PRICKLE3: variants seen among roughly 807,000 people sequenced by gnomAD.
PRICKLE3 encodes LIM domain only protein 6.
Under a neutral mutation model 33.8 loss-of-function variants are expected in PRICKLE3, and 17 were observed. The observed-to-expected ratio is 0.50, with a 90% CI of 0.34 to 0.75. The LOEUF (loss-of-function observed/expected upper bound fraction) is 0.75. PRICKLE3 is among the 30% of genes least tolerant of loss of function. The pLI is 0.01. For missense variants in PRICKLE3, 573 were observed against 576.7 expected, an observed-to-expected ratio of 0.99 and a Z score of 0.07; for synonymous variants, 211 against 219.6, an observed-to-expected ratio of 0.96 and a Z score of 0.34.
intron 3 of PRICKLE3, among the ~76,000 whole-genome samples, chrX:49,181,589 G>A (rs184678666): frequency 2.0e-5 from 1 of 49,482 alleles, no homozygotes; most frequent in South Asian, 1.8e-3. Flanking sequence ...ATATATACGC[G>A]TGTATCTATA....
Position 49,179,802 on chromosome X carries a change from T to C in PRICKLE3, c.317A>G (p.Tyr106Cys), listed in dbSNP as rs1557100743. The change falls in exon 4 of 9, where the codon TAT becomes TGT. Residue 106 changes from tyrosine (Y) to cysteine (C), a missense_variant. Tyr to Cys is a radical substitution (Grantham distance 194, BLOSUM62 -2). Coordinates refer to ENST00000599218, the MANE Select transcript of PRICKLE3 (RefSeq NM_006150.5). The stretch of plus-strand genomic sequence containing the variant: ...CTCTGGGAGGCAGCTGAAAAATTGA[T>C]ATACCTGGGAGGACATAGGAGTGGG... Reference protein sequence around the residue: ...VPPGLKPEQVYQFFSCLPEDK... With the variant: ...VPPGLKPEQVCQFFSCLPEDK... The C allele has an allele frequency of 9.1e-7, 1 of 1,096,935 alleles. No homozygotes were observed. The highest frequency in any genetic ancestry group is 3.2e-5 in the East Asian group (1 of 31,463). The allele number at this position is 1,096,935 out of a possible 1,213,427, so 90.4% of individuals were successfully genotyped here.
Position 49,175,671 on chromosome X carries a change from C to A in PRICKLE3, c.*2G>T, listed in dbSNP as rs782518639. 2 of 1,206,448 alleles carry A rather than the reference C, an allele frequency of 1.7e-6. No individual in the cohort carries two copies. The highest frequency in any genetic ancestry group is 2.3e-4 in the Middle Eastern group (1 of 4,264). On this transcript the variant is annotated 3_prime_UTR_variant, in exon 9 of 9. Coordinates refer to ENST00000599218, the MANE Select transcript of PRICKLE3 (RefSeq NM_006150.5). Reference sequence around the variant, plus strand: ...TGGAGCCCCCTCCAGGACGGCCTGCCTTCAAGCCACGATGCAGTTCTTGTC... The same window carrying A: ...TGGAGCCCCCTCCAGGACGGCCTGCATTCAAGCCACGATGCAGTTCTTGTC...
intron 3 of PRICKLE3, among the ~76,000 whole-genome samples, chrX:49,183,325 C>G (rs1425658247): frequency 9.0e-6 from 1 of 110,829 alleles, no homozygotes; most frequent in Non-Finnish European, 1.9e-5. Context: ...CTTTGGGAGG[C>G]CGAGGCAGGA....
intron 3 of PRICKLE3, among the ~76,000 whole-genome samples, chrX:49,180,206 A>G (rs1557100815): frequency 1.8e-5 from 2 of 108,411 alleles, no homozygotes; most frequent in African/African-American, 6.7e-5. Flanking sequence ...CTAATTTTTT[A>G]TTTTTAGTAG....
rs782589698 is a variant in PRICKLE3, at chrX:49,176,061, C to T, written c.1460G>A (p.Arg487His). ...RDPLVSEGGP[R>H]RTLSAPPAQR... is the part of the protein sequence containing the mutation. The stretch of plus-strand genomic sequence containing the variant: ...GGCCGGGGGTGCACTCAGGGTCCGG[C>T]GCGGGCCTCCTTCAGACACCAGAGG... The change falls in exon 9 of 9, where the codon CGC (arginine) becomes CAC (histidine). Residue 487 changes from arginine (R) to histidine (H), a missense_variant. Transcript: ENST00000599218. The T allele has an allele frequency of 1.7e-5, 21 of 1,204,386 alleles. No individual in the cohort carries two copies. In the South Asian group the frequency reaches 3.2e-4, roughly 18 times the overall value.
In PRICKLE3 at chrX:49,177,045, C is replaced by T; in HGVS notation, c.1113G>A (p.Glu371=). The part of the protein sequence containing the change: ...FCSRACSLGS[E]PTAPGPSRRS... ...GGCGGCTCGGCCCTGGAGCTGTGGG[C>T]TCGGACCCAAGGCTGCAGGCTCGAG... The change falls in exon 8 of 9, where the codon GAG becomes GAA. Residue 371 remains glutamate (E), a synonymous_variant. Transcript: ENST00000599218. 8.3e-7 allele frequency: 1 copy of T among 1,208,951 alleles called. No homozygotes were observed. The highest frequency in any genetic ancestry group is 1.1e-6 in the Non-Finnish European group (1 of 894,074).
At chrX:49,185,896 CAAAAA>C (rs35472415) in intron 1 of PRICKLE3, among the ~76,000 whole-genome samples, 5 of 29,723 alleles carry the variant, frequency 1.7e-4, no homozygotes, top group African/African-American at 4.0e-4. Flanking sequence ...GATTCAGTCT[CAAAAA>C]AAAAAAAAAA....
At chrX:49,177,963 C>T (rs781831968) in intron 7 of PRICKLE3, 30 bp downstream of exon 7, 3 of 1,133,768 alleles carry the variant, frequency 2.6e-6, no homozygotes, top group African/African-American at 3.7e-5. Flanking sequence ...TCCATCCATC[C>T]CTCTGTCCAG....
chrX:49,178,651 C>T (rs782476620), intron 5 of PRICKLE3, among the ~76,000 whole-genome samples, 176 bp from the exon 6 acceptor site: 22 of 112,127 alleles, frequency 2.0e-4, no homozygotes, highest in African/African-American at 7.1e-4. Context: ...TGGGGTTGGG[C>T]GGTACCTTAG....
At chrX:49,184,077 G>A (rs1557101555) in intron 2 of PRICKLE3, among the ~76,000 whole-genome samples, 160 bp from the exon 3 acceptor site, 1 of 109,890 alleles carries the variant, frequency 9.1e-6, no homozygotes, top group African/African-American at 3.3e-5. Flanking sequence ...TGCAGGAGGT[G>A]GGCCTATGAG....
rs782111615 is a variant in PRICKLE3, at chrX:49,177,263, C to T, written c.956-61G>A. The T allele has an allele frequency of 1.5e-5, 16 of 1,032,493 alleles. No homozygotes were observed. In the South Asian group the frequency reaches 3.0e-4, roughly 19 times the overall value. 85.1% of individuals were successfully genotyped at this position (1,032,493 alleles called of 1,213,427 possible). ...AACCCCCAGGCGTAACCCCACCCCT[C>T]GTGAACGAGTCCCTTCTCAAGAAGA... On this transcript the variant is annotated intron_variant, in intron 7 of 8. Transcript: ENST00000599218.
intron 3 of PRICKLE3, among the ~76,000 whole-genome samples, chrX:49,183,061 T>A (rs5952517): frequency 9.0e-6 from 1 of 111,461 alleles, no homozygotes; most frequent in Non-Finnish European, 1.9e-5. Flanking sequence ...TGACCTCAAG[T>A]AATCCGCCCG....
At position 49,179,798 on chromosome X, in the gene PRICKLE3, T is replaced by G. The variant is rs201812536; in HGVS notation, c.321A>C (p.Gln107His). The G allele has an allele frequency of 2.7e-6, 3 of 1,102,205 alleles. No homozygotes were observed. Among genetic ancestry groups the G allele is most frequent in the Non-Finnish European group, 3.7e-6 (3 of 821,405 alleles). 90.8% of individuals were successfully genotyped at this position (1,102,205 alleles called of 1,213,427 possible). ...TGTCCTCTGGGAGGCAGCTGAAAAATTGATATACCTGGGAGGACATAGGAG... is the reference window on the plus strand; with the variant it reads ...TGTCCTCTGGGAGGCAGCTGAAAAAGTGATATACCTGGGAGGACATAGGAG... ...PPGLKPEQVY[Q>H]FFSCLPEDKV... Residue 107 changes from glutamine to histidine, a missense_variant, in exon 4 of 9, where the codon CAA (glutamine) becomes CAC (histidine). Physicochemically the swap from Gln to His is conservative, Grantham distance 24. Transcript: ENST00000599218.
chrX:49,177,343 G>A, intron 7 of PRICKLE3, 141 bp from the exon 8 acceptor site: 5 of 623,631 alleles, frequency 8.0e-6, no homozygotes, highest in Non-Finnish European at 1.2e-5. Flanking sequence ...CCTCCAGAAT[G>A]GGGCCCTTTT....
At position 49,175,701 on chromosome X, in the gene PRICKLE3, G is replaced by A. The variant is rs2065411227; in HGVS notation, c.1820C>T (p.Ala607Val). 1 of 1,209,725 alleles carries A rather than the reference G, an allele frequency of 8.3e-7. No homozygotes were observed. Among genetic ancestry groups the A allele is most frequent in the African/African-American group, 1.7e-5 (1 of 57,254 alleles). Residue 607 changes from alanine to valine, a missense_variant, in exon 9 of 9, where the codon GCC (alanine) becomes GTC (valine). Ala to Val is a moderately conservative substitution (Grantham distance 64). Transcript: ENST00000599218. ...RDSRAGMPRQ[A>V]RDKNCIVA The stretch of plus-strand genomic sequence containing the variant: ...AGCCACGATGCAGTTCTTGTCTCGG[G>A]CCTGACGAGGCATCCCTGCGCGAGA...
chrX:49,177,865 T>C (rs782669220), intron 7 of PRICKLE3, 128 bp downstream of exon 7: 104 of 759,338 alleles, frequency 1.4e-4, no homozygotes, highest in East Asian at 1.8e-4. Flanking sequence ...GTCTATAGTG[T>C]TGGGGCTGGA....
At position 49,184,521 on chromosome X, in the gene PRICKLE3, T is replaced by C; in HGVS notation, c.128+104A>G. On this transcript the variant is annotated intron_variant, in intron 2 of 8. Transcript: ENST00000599218. ...AGGCTCTTTTCCCAACTGAGATCCC[T>C]CTGTAGGCGGAGCTCAAGCGTAGGG... is the stretch of plus-strand genomic sequence containing the variant. 4.0e-6 allele frequency: 3 copies of C among 746,114 alleles called. No homozygotes were observed. The South Asian group carries it at 8.8e-5, about 22-fold the overall frequency. 61.5% of individuals were successfully genotyped at this position (746,114 alleles called of 1,213,427 possible). A position where few individuals can be genotyped will look rare whatever the true frequency, so the allele number is the denominator to read the frequency against.
At position 49,175,530 on chromosome X, in the gene PRICKLE3, A is replaced by G. The variant is rs781984164; in HGVS notation, c.*143T>C. Reference sequence around the variant, plus strand: ...GGGTAGACCAAGTCTCTAAAACAGAAACAAAAATAGAAACAAACTGATAAA... The same window carrying G: ...GGGTAGACCAAGTCTCTAAAACAGAGACAAAAATAGAAACAAACTGATAAA... On this transcript the variant is annotated 3_prime_UTR_variant, in exon 9 of 9. Transcript: ENST00000599218. 1 of 582,325 alleles carries G rather than the reference A, an allele frequency of 1.7e-6. No individual in the cohort carries two copies. Among genetic ancestry groups the G allele is most frequent in the Admixed American group, 4.0e-5 (1 of 25,192 alleles). The allele number at this position is 582,325 out of a possible 1,213,427, so 48.0% of individuals were successfully genotyped here. A position where few individuals can be genotyped will look rare whatever the true frequency, so the allele number is the denominator to read the frequency against.
chrX:49,178,184 A>G lies in PRICKLE3; in HGVS notation c.769-5T>C. The G allele has an allele frequency of 1.7e-6, 2 of 1,189,993 alleles. No individual in the cohort carries two copies. The highest frequency in any genetic ancestry group is 1.1e-6 in the Non-Finnish European group (1 of 881,615). On this transcript the variant is annotated splice_polypyrimidine_tract_variant and splice_region_variant and intron_variant, in intron 6 of 8. Transcript: ENST00000599218. Reference sequence around the variant, plus strand: ...GCACTCAGGGGAGAAGATGATCTGGAGGGCGCAGGCCATCTGTGGCTGTCA... The same window carrying G: ...GCACTCAGGGGAGAAGATGATCTGGGGGGCGCAGGCCATCTGTGGCTGTCA...
Sources: gnomAD v4.1 joint callset for allele counts (sites outside exome capture counted in the v4.1 genomes callset) on GRCh38, gnomAD v4.1.1 for gene constraint, MANE v1.5 for transcripts, NCBI Gene and HGNC (gene_info 2026-07-23, HGNC 2026-07-21) for gene names.